Variants in TG observed in about 807,000 individuals in gnomAD.
The protein encoded by TG is thyroid hormones.
Under a neutral mutation model 324.7 loss-of-function variants are expected in TG, and 270 were observed. That is an observed-to-expected ratio of 0.83 (90% CI 0.75 to 0.92). The LOEUF (loss-of-function observed/expected upper bound fraction) is 0.92. Among genes scored for constraint, TG ranks in the 40% least tolerant of loss-of-function variants. The pLI is 0.00. For synonymous variants in TG, 1,401 were observed against 1,327.0 expected (o/e 1.06, Z -1.21); for missense variants, 3,591 against 3,456.4 (o/e 1.04, Z -0.98).
intron 5 of TG, among the ~76,000 whole-genome samples, chr8:132,880,658 G>A (rs1443572428): frequency 6.6e-6 from 1 of 152,116 alleles, no homozygotes; most frequent in African/African-American, 2.4e-5. Flanking sequence ...TTAAATAATA[G>A]TTATTAACTT....
chr8:132,975,046 G>A (rs1276882594), intron 34 of TG, among the ~76,000 whole-genome samples: 1 of 152,106 alleles, frequency 6.6e-6, no homozygotes, highest in Non-Finnish European at 1.5e-5. Flanking sequence ...TATCCTCAGT[G>A]GGTTTCTATT....
chr8:133,015,904 G>T (rs550326959), intron 37 of TG, among the ~76,000 whole-genome samples: 4 of 152,262 alleles, frequency 2.6e-5, no homozygotes, highest in South Asian at 2.1e-4. Flanking sequence ...GACAGAGAAG[G>T]CTTCATTTGC....
intron 16 of TG, among the ~76,000 whole-genome samples, chr8:132,906,008 A>T (rs1174854224): frequency 6.6e-6 from 1 of 152,078 alleles, no homozygotes; most frequent in Non-Finnish European, 1.5e-5. Flanking sequence ...CCTGCACAGG[A>T]GGGAGTTGAG....
chr8:132,940,204 A>G (rs1824244629), intron 25 of TG, among the ~76,000 whole-genome samples: 1 of 152,132 alleles, frequency 6.6e-6, no homozygotes, highest in Non-Finnish European at 1.5e-5. Flanking sequence ...GATCTGCCAG[A>G]CTGACGGGAG....
At chr8:132,867,099 G>A (rs760005075) in intron 1 of TG, 32 bp downstream of exon 1, 2 of 1,573,056 alleles carry the variant, frequency 1.3e-6, no homozygotes, top group Non-Finnish European at 8.7e-7. Context: ...CCAGGCGGTG[G>A]GGAGGGAGCT....
intron 35 of TG, among the ~76,000 whole-genome samples, chr8:133,006,262 A>C (rs1282269598): frequency 6.6e-6 from 1 of 152,256 alleles, no homozygotes; most frequent in Non-Finnish European, 1.5e-5. Flanking sequence ...ATCATGGCCA[A>C]AACAAAACCA....
chr8:132,964,804 G>A (rs1828305586), intron 29 of TG: 2 of 680,050 alleles, frequency 2.9e-6, no homozygotes. Context: ...CTGCATGACA[G>A]TGTGGCAAGG....
Position 132,990,195 on chromosome 8 carries a change from G to A in TG, c.6262+6783G>A, listed in dbSNP as rs560457314. 1.2e-4 allele frequency among the ~76,000 whole-genome samples: 18 copies of A among 146,738 alleles called. No homozygotes were observed. In the East Asian group the frequency reaches 2.4e-3, roughly 19 times the overall value. ...ATATATATATATAATATACATGTAC[G>A]TATACACACCCATGTATACAGTCAC... On this transcript the variant is annotated intron_variant, in intron 35 of 47. Coordinates refer to ENST00000220616, the MANE Select transcript of TG (RefSeq NM_003235.5).
At chr8:133,112,702 G>A (rs926605120) in intron 43 of TG, among the ~76,000 whole-genome samples, 3 of 152,146 alleles carry the variant, frequency 2.0e-5, no homozygotes, top group Non-Finnish European at 2.9e-5. Context: ...AGAGAACTGC[G>A]TGCCTTTCCT....
intron 35 of TG, among the ~76,000 whole-genome samples, chr8:132,989,514 G>A (rs747810395): frequency 1.2e-4 from 19 of 152,194 alleles, no homozygotes; most frequent in Admixed American, 3.9e-4. Flanking sequence ...GAGATGTCTC[G>A]TTACAGTTTG....
chr8:133,115,163 T>A (rs1850574071), intron 44 of TG, among the ~76,000 whole-genome samples: 1 of 152,126 alleles, frequency 6.6e-6, no homozygotes, highest in South Asian at 2.1e-4. Context: ...TTATCTGACC[T>A]TAAGGACAAC....
At chr8:133,097,529 C>A (rs1220647444) in intron 43 of TG, among the ~76,000 whole-genome samples, 3 of 152,074 alleles carry the variant, frequency 2.0e-5, no homozygotes. Flanking sequence ...TTAAGTGATG[C>A]CTCTGACACA....
chr8:132,948,885 A>G lies in TG; in HGVS notation c.5343A>G (p.Thr1781=), dbSNP rs776419586. 2 of 1,614,050 alleles carry G rather than the reference A, an allele frequency of 1.2e-6. No homozygotes were observed. Among genetic ancestry groups the G allele is most frequent in the Non-Finnish European group, 8.5e-7 (1 of 1,180,000 alleles). The change falls in exon 27 of 48, where the codon ACA becomes ACG. Residue 1781 remains threonine (T), a synonymous_variant. Transcript: ENST00000220616. The stretch of plus-strand genomic sequence containing the variant: ...CTAATGCTACATGTCCTGGTGTGAC[A>G]TATGACCAGGAGAGCCACCAGGTGA... ...AWANATCPGV[T]YDQESHQVIL...
chr8:133,096,118 T>C, intron 42 of TG, 88 bp from the exon 43 acceptor site: 3 of 1,502,230 alleles, frequency 2.0e-6, no homozygotes, highest in South Asian at 2.3e-5. Flanking sequence ...ATAACCAGTA[T>C]TGGCATTCAG....
chr8:132,882,904 C>A lies in TG; in HGVS notation c.980C>A (p.Ala327Glu), dbSNP rs149297140. 6.2e-7 allele frequency: 1 copy of A among 1,614,204 alleles called. No individual in the cohort carries two copies. Among genetic ancestry groups the A allele is most frequent in the Non-Finnish European group, 8.5e-7 (1 of 1,180,034 alleles). The change falls in exon 8 of 48, where the codon GCG becomes GAG. Residue 327 changes from alanine to glutamate, a missense_variant. Physicochemically the swap from Ala to Glu is moderately radical, Grantham distance 107. Transcript: ENST00000220616. Reference protein sequence around the residue: ...PSCRRNGDYQAVQCQTEGPCW... With the variant: ...PSCRRNGDYQEVQCQTEGPCW... ...TGCCGCCGAAATGGCGACTATCAGG[C>A]GGTGCAGTGCCAGACGGAAGGGCCC...
At chr8:132,872,644 C>T (rs991264454) in intron 4 of TG, among the ~76,000 whole-genome samples, 2 of 152,230 alleles carry the variant, frequency 1.3e-5, no homozygotes, top group South Asian at 2.1e-4. Flanking sequence ...CACTGACTCA[C>T]CCGGAGCAAC....
At chr8:133,012,156 G>A (rs1587757894) in intron 36 of TG, 121 bp downstream of exon 36, 1 of 1,432,306 alleles carries the variant, frequency 7.0e-7, no homozygotes, top group East Asian at 2.3e-5. Context: ...TTGGAAGTAA[G>A]GGATTAACCT....
chr8:133,124,575 G>T (rs538516589), intron 45 of TG, among the ~76,000 whole-genome samples: 21 of 152,214 alleles, frequency 1.4e-4, no homozygotes, highest in African/African-American at 4.6e-4. Flanking sequence ...TTTAAAATAG[G>T]TATAGCTATA....
chr8:132,998,776 C>T (rs1833142563), intron 35 of TG, among the ~76,000 whole-genome samples: 1 of 152,176 alleles, frequency 6.6e-6, no homozygotes, highest in African/African-American at 2.4e-5. Flanking sequence ...AGTTCAATGC[C>T]TTGGCAGGGT....
Sources: gnomAD v4.1 joint callset for allele counts (sites outside exome capture counted in the v4.1 genomes callset) on GRCh38, gnomAD v4.1.1 for gene constraint, MANE v1.5 for transcripts, NCBI Gene and HGNC (gene_info 2026-07-23, HGNC 2026-07-21) for gene names.